C12orf42: variants seen among roughly 807,000 people sequenced by gnomAD.
C12orf42 encodes uncharacterized protein C12orf42.
A neutral mutation model predicts 21.6 loss-of-function variants in C12orf42; 25 were observed. The observed-to-expected ratio is 1.16, with a 90% CI of 0.84 to 1.62. The LOEUF is 1.62. C12orf42 is among the 40% of genes most tolerant of loss of function. The pLI is 0.00. For missense variants in C12orf42, 483 were observed against 459.3 expected (o/e 1.05, Z -0.47); for synonymous variants, 174 against 175.0 (o/e 0.99, Z 0.05).
chr12:103,302,816 A>G (rs1029835464), intron 5 of C12orf42, among the ~76,000 whole-genome samples: 4 of 152,146 alleles, frequency 2.6e-5, no homozygotes, highest in Admixed American at 6.5e-5. Flanking sequence ...TAGCTTTTGC[A>G]TAATCCTCAG....
Position 103,391,930 on chromosome 12 carries a change from A to T in C12orf42, c.147+9677T>A, listed in dbSNP as rs531605610. On this transcript the variant is annotated intron_variant, in intron 3 of 5. Coordinates refer to ENST00000548883, the MANE Select transcript of C12orf42 (RefSeq NM_198521.5). ...TCTAAGGTCATGAATATTTTGCCTT[A>T]TGTTTTCTTCTGAATTTTATAGCTT... 3.9e-5 allele frequency among the ~76,000 whole-genome samples: 6 copies of T among 152,188 alleles called. No individual in the cohort carries two copies. In the South Asian group the frequency reaches 1.2e-3, roughly 32 times the overall value.
chr12:103,368,909 A>C lies in C12orf42; in HGVS notation c.237T>G (p.Ser79Arg), dbSNP rs113015837. 9.8e-4 allele frequency: 1,545 copies of C among 1,580,226 alleles called. 19 individuals are homozygous for C. The African/African-American group carries it at 0.018, about 18-fold the overall frequency. ...KNFSESPKFR[S>R]LHFLNFPVFP... is the part of the protein sequence containing the mutation. ...TACCTGGAAAATTCAGAAAGTGTAG[A>C]CTACGAAATTTAGGAGATTCAGAGA... The change falls in exon 4 of 6, where the codon AGT (serine) becomes AGG (arginine). Residue 79 changes from serine to arginine, a missense_variant. Physicochemically the swap from Ser to Arg is moderately radical, Grantham distance 110. Coordinates refer to ENST00000548883, the MANE Select transcript of C12orf42 (RefSeq NM_198521.5).
chr12:103,539,753 G>A, the C12orf42 span, among the ~76,000 whole-genome samples: 2 of 151,440 alleles, frequency 1.3e-5, no homozygotes, highest in African/African-American at 2.4e-5. Flanking sequence ...CTAATTTTTT[G>A]TATTTTTAGT....
At chr12:103,455,103 T>C (rs1952199702) in intron 2 of C12orf42, among the ~76,000 whole-genome samples, 1 of 152,210 alleles carries the variant, frequency 6.6e-6, no homozygotes, top group African/African-American at 2.4e-5. Context: ...TAAGTCTTTC[T>C]ACTATGTTAC....
the C12orf42 span, among the ~76,000 whole-genome samples, chr12:103,555,226 T>C: frequency 6.6e-6 from 1 of 152,114 alleles, no homozygotes; most frequent in African/African-American, 2.4e-5. Flanking sequence ...TTAATGGACT[T>C]ACAGTTTCAC....
chr12:103,055,518 A>G, the C12orf42 span, among the ~76,000 whole-genome samples: 2 of 151,284 alleles, frequency 1.3e-5, no homozygotes, highest in Admixed American at 6.6e-5. Context: ...TGTTTCATTC[A>G]TTTTTCTATA....
At chr12:103,190,831 C>A in the C12orf42 span, among the ~76,000 whole-genome samples, 198 of 151,946 alleles carry the variant, frequency 1.3e-3, 2 homozygotes, top group African/African-American at 4.7e-3. Flanking sequence ...AAGAAAATGG[C>A]AGAAAGTTTA....
At chr12:103,496,793 T>C (rs1593040164), upstream of C12orf42, among the ~76,000 whole-genome samples, 3 of 52,436 alleles carry the variant, frequency 5.7e-5, no homozygotes, top group Non-Finnish European at 3.4e-5. Flanking sequence ...CACACCCACA[T>C]CTAAAATATT....
chr12:103,506,612 T>A, the C12orf42 span, among the ~76,000 whole-genome samples: 1 of 151,040 alleles, frequency 6.6e-6, no homozygotes, highest in African/African-American at 2.4e-5. Context: ...GGCTATACCA[T>A]CTAGGTTTGT....
intron 4 of C12orf42, among the ~76,000 whole-genome samples, chr12:103,281,495 T>G (rs149576616): frequency 0.015 from 2,264 of 152,128 alleles, 64 homozygotes; most frequent in African/African-American, 0.052. Context: ...CCCAAGTAGC[T>G]ACAGGCGCCC....
At chr12:103,296,323 C>T (rs1045745089) in intron 4 of C12orf42, among the ~76,000 whole-genome samples, 3 of 151,950 alleles carry the variant, frequency 2.0e-5, no homozygotes, top group Non-Finnish European at 2.9e-5. Flanking sequence ...ACAATACACA[C>T]ACGTGTGCAT....
At chr12:103,534,850 A>G in the C12orf42 span, among the ~76,000 whole-genome samples, 1 of 152,188 alleles carries the variant, frequency 6.6e-6, no homozygotes, top group African/African-American at 2.4e-5. Flanking sequence ...AAGTTTGTTT[A>G]CTGTTCAGTA....
chr12:103,323,006 T>A (rs1040349527), intron 4 of C12orf42, among the ~76,000 whole-genome samples: 3 of 152,226 alleles, frequency 2.0e-5, no homozygotes, highest in African/African-American at 7.2e-5. Context: ...ATTCTGCAGA[T>A]GATGAAGAAA....
the C12orf42 span, among the ~76,000 whole-genome samples, chr12:103,516,736 T>A: frequency 3.8e-4 from 58 of 151,972 alleles, 1 homozygote; most frequent in East Asian, 0.011. Flanking sequence ...AGATGAGATT[T>A]GGGTGGGGAC....
At chr12:103,061,700 T>G in the C12orf42 span, among the ~76,000 whole-genome samples, 1 of 151,968 alleles carries the variant, frequency 6.6e-6, no homozygotes, top group Non-Finnish European at 1.5e-5. Context: ...TCAGCTTTCT[T>G]TGGTTAGTGT....
chr12:103,517,141 G>A, the C12orf42 span, among the ~76,000 whole-genome samples: 1 of 152,240 alleles, frequency 6.6e-6, no homozygotes, highest in African/African-American at 2.4e-5. Flanking sequence ...GGAGCAGCTG[G>A]ATAGGATAAA....
the C12orf42 span, among the ~76,000 whole-genome samples, chr12:103,226,866 G>T: frequency 6.6e-6 from 1 of 152,166 alleles, no homozygotes; most frequent in Admixed American, 6.5e-5. Flanking sequence ...GTTGCACTGG[G>T]CACAGAGACT....
chr12:103,548,219 A>G, the C12orf42 span, among the ~76,000 whole-genome samples: 1 of 152,214 alleles, frequency 6.6e-6, no homozygotes, highest in Non-Finnish European at 1.5e-5. Context: ...TTTGCTACCT[A>G]ATTAACATAA....
At chr12:103,307,862 G>A (rs948844303) in intron 4 of C12orf42, among the ~76,000 whole-genome samples, 2 of 152,130 alleles carry the variant, frequency 1.3e-5, no homozygotes, top group Non-Finnish European at 2.9e-5. Flanking sequence ...TGAAAGGGAT[G>A]AAAAGATGCA....
Sources: allele counts gnomAD v4.1 joint callset (sites outside exome capture counted in the v4.1 genomes callset), GRCh38; gene constraint gnomAD v4.1.1; transcripts MANE v1.5; gene names NCBI Gene and HGNC (gene_info 2026-07-23, HGNC 2026-07-21).